The following PTPN23 variants were observed in gnomAD, a reference collection of about 807,000 sequenced individuals.
PTPN23 encodes the protein tyrosine-protein phosphatase non-receptor type 23.
A neutral mutation model predicts 156.3 loss-of-function variants in PTPN23; 72 were observed. That is an observed-to-expected ratio of 0.46 (90% CI 0.38 to 0.56). PTPN23 has a LOEUF of 0.56. PTPN23 is among the 20% of genes least tolerant of loss of function. The pLI is 0.00. For missense variants in PTPN23, 1,974 were observed against 2,171.5 expected (o/e 0.91, Z 1.81); for synonymous variants, 957 against 899.6 (o/e 1.06, Z -1.14).
chr3:47,412,577 G>C lies in PTPN23; in HGVS notation c.4381G>C (p.Gly1461Arg). The C allele has an allele frequency of 1.2e-6, 2 of 1,613,688 alleles. No homozygotes were observed. Among genetic ancestry groups the C allele is most frequent in the Non-Finnish European group, 1.7e-6 (2 of 1,179,984 alleles). Residue 1461 changes from glycine (G) to arginine (R), a missense_variant, in exon 24 of 25, where the codon GGT becomes CGT. By Grantham distance (125) the Gly-to-Arg change is moderately radical. Around this residue, in one of 4 missense-constraint regions of PTPN23, gnomAD observed 484 missense variants for 516.0 expected, o/e 0.94. Transcript: ENST00000265562. ...RHVEQVLQRH[G>R]VPPPCKPLAS... is the part of the protein sequence containing the mutation. ...CGTGGAGCAGGTCCTGCAGCGCCAT[G>C]GTGTGCCTCCTCCATGCAAACCCTT... is the stretch of plus-strand genomic sequence containing the variant.
rs1704692875 is a variant in PTPN23 at position 47,388,158 on chromosome 3, A to G, written c.84+6978A>G. On this transcript the variant is annotated intron_variant, in intron 1 of 24. Transcript: ENST00000265562. ...TTCTTACCTGAAACATGGAACTAAT[A>G]ATATACCTCATAAGCTTCTGAGAAT... Among the ~76,000 whole-genome samples the G allele has an allele frequency of 2.6e-5, 4 of 152,320 alleles. No individual in the cohort carries two copies. The South Asian group carries it at 8.3e-4, about 32-fold the overall frequency.
chr3:47,385,543 G>A (rs999338315), intron 1 of PTPN23, among the ~76,000 whole-genome samples: 4 of 152,102 alleles, frequency 2.6e-5, no homozygotes, highest in South Asian at 2.1e-4. Context: ...TGGGCATGGT[G>A]GTGCGTGCCT....
At position 47,412,607 on chromosome 3, in the gene PTPN23, A is replaced by T. The variant is rs779654845; in HGVS notation, c.4411A>T (p.Ser1471Cys). 1.2e-6 allele frequency: 2 copies of T among 1,613,498 alleles called. No homozygotes were observed. The highest frequency in any genetic ancestry group is 3.3e-5 in the Admixed American group (2 of 60,016). The stretch of plus-strand genomic sequence containing the variant: ...GCCTCCTCCATGCAAACCCTTGGCC[A>T]GTGCAAGCATCAGCCAGAAGGTGAG... ...GVPPPCKPLA[S>C]ASISQKNHLP... is the part of the protein sequence containing the mutation. Residue 1471 changes from serine to cysteine, a missense_variant, in exon 24 of 25, where the codon AGT becomes TGT. By Grantham distance (112) the Ser-to-Cys change is moderately radical. Coordinates refer to ENST00000265562, the MANE Select transcript of PTPN23 (RefSeq NM_015466.4).
Position 47,407,840 on chromosome 3 carries a change from G to A in PTPN23, c.1118+29G>A, listed in dbSNP as rs765668854. 2 of 1,614,046 alleles carry A rather than the reference G, an allele frequency of 1.2e-6. No individual in the cohort carries two copies. Reference sequence around the variant, plus strand: ...GGTGGAGGGTGGCACAGAGGGAGGTGGGGTGTCTTGAGATGTGGGTCTTCA... The same window carrying A: ...GGTGGAGGGTGGCACAGAGGGAGGTAGGGTGTCTTGAGATGTGGGTCTTCA... On this transcript the variant is annotated intron_variant, in intron 13 of 24. Coordinates refer to ENST00000265562, the MANE Select transcript of PTPN23 (RefSeq NM_015466.4). The surrounding 1 kb of genome is among the most constrained non-coding windows in gnomAD (Gnocchi z 4.0).
intron 1 of PTPN23, among the ~76,000 whole-genome samples, chr3:47,387,435 G>A (rs900884783): frequency 4.7e-5 from 7 of 149,916 alleles, no homozygotes; most frequent in South Asian, 2.1e-4. Flanking sequence ...AAGGTCAGGC[G>A]TGGTGTGGTG....
Position 47,405,099 on chromosome 3 carries a change from T to C in PTPN23, c.364+18T>C, listed in dbSNP as rs1394697196. On this transcript the variant is annotated intron_variant, in intron 4 of 24. Coordinates refer to ENST00000265562, the MANE Select transcript of PTPN23 (RefSeq NM_015466.4). This position sits in a 1 kb window ranked among gnomAD's most constrained non-coding sequence, Gnocchi z 4.7. Reference sequence around the variant, plus strand: ...CAACCTTGGTGAGCTGCCTGATCCCTTCCCCCGGCCCTACTCCCCAGTCCT... The same window carrying C: ...CAACCTTGGTGAGCTGCCTGATCCCCTCCCCCGGCCCTACTCCCCAGTCCT... The C allele has an allele frequency of 1.2e-6, 2 of 1,612,446 alleles. No individual in the cohort carries two copies. Among genetic ancestry groups the C allele is most frequent in the Admixed American group, 3.3e-5 (2 of 59,996 alleles).
rs1705234573 is a variant in PTPN23, at chr3:47,410,155, ATCTC to A, written c.2360_2363del (p.Leu787GlnfsTer15). On this transcript the variant is annotated frameshift_variant, in exon 20 of 25. Coordinates refer to ENST00000265562, the MANE Select transcript of PTPN23 (RefSeq NM_015466.4). LOFTEE classifies it high-confidence loss of function. ...AGCTCCACAGGCCCAGGACCCCACT[ATCTC>A]TCAGGCCCCTTGCCCCCTGGTACCT... The A allele has an allele frequency of 3.1e-6, 5 of 1,590,602 alleles. No homozygotes were observed. The highest frequency in any genetic ancestry group is 4.3e-6 in the Non-Finnish European group (5 of 1,167,254).
At position 47,406,817 on chromosome 3, in the gene PTPN23, G is replaced by A; in HGVS notation, c.807+67G>A. ...TTCAGTGAGATGCCGGTGTGCTCCC[G>A]CTCCTTACACACCAGGGGGTGGCCT... On this transcript the variant is annotated intron_variant, in intron 9 of 24. Transcript: ENST00000265562. The surrounding 1 kb of genome is among the most constrained non-coding windows in gnomAD (Gnocchi z 5.8). 2 of 1,583,584 alleles carry A rather than the reference G, an allele frequency of 1.3e-6. No individual in the cohort carries two copies. Among genetic ancestry groups the A allele is most frequent in the South Asian group, 1.1e-5 (1 of 88,540 alleles).
At chr3:47,403,065 T>C (rs1705031463) in intron 2 of PTPN23, among the ~76,000 whole-genome samples, 1 of 151,936 alleles carries the variant, frequency 6.6e-6, no homozygotes, top group Non-Finnish European at 1.5e-5. Flanking sequence ...CTTTTTTTTT[T>C]TTTTTGAGAC....
At chr3:47,382,121 A>C (rs965284086) in intron 1 of PTPN23, among the ~76,000 whole-genome samples, 4 of 152,208 alleles carry the variant, frequency 2.6e-5, no homozygotes, top group Non-Finnish European at 5.9e-5. Context: ...TAGGAAAAAG[A>C]AAATGGGTTT....
Position 47,413,096 on chromosome 3 carries a change from G to T in PTPN23, c.4822G>T (p.Ala1608Ser), listed in dbSNP as rs150307818. Residue 1608 changes from alanine to serine, a missense_variant, in exon 25 of 25, where the codon GCC becomes TCC. Physicochemically the swap from Ala to Ser is moderately conservative, Grantham distance 99. Coordinates refer to ENST00000265562, the MANE Select transcript of PTPN23 (RefSeq NM_015466.4). ...GATGAGCAAGCATAACTTTCTGCAGGCCCATAACGGGCAAGGGCTGCGGGC... is the reference window on the plus strand; with the variant it reads ...GATGAGCAAGCATAACTTTCTGCAGTCCCATAACGGGCAAGGGCTGCGGGC... ...QRMSKHNFLQ[A>S]HNGQGLRATR... is the part of the protein sequence containing the mutation. 1 of 1,612,902 alleles carries T rather than the reference G, an allele frequency of 6.2e-7. No individual in the cohort carries two copies. The highest frequency in any genetic ancestry group is 8.5e-7 in the Non-Finnish European group (1 of 1,180,024).
rs567532478 is a variant in PTPN23, at chr3:47,400,408, G to A, written c.159+4191G>A. ...AGCTCTCTCTCAGACTCCTCTGTGC[G>A]GCTCTGCGCAGCTCGTCTGAGAGTC... On this transcript the variant is annotated intron_variant, in intron 2 of 24. Coordinates refer to ENST00000265562, the MANE Select transcript of PTPN23 (RefSeq NM_015466.4). Among the ~76,000 whole-genome samples the A allele has an allele frequency of 2.0e-4, 30 of 152,334 alleles. No homozygotes were observed. The East Asian group carries it at 4.8e-3, about 24-fold the overall frequency.
rs1202320246 is a variant in PTPN23 at position 47,408,015 on chromosome 3, G to A, written c.1184+60G>A. On this transcript the variant is annotated intron_variant, in intron 14 of 24. Coordinates refer to ENST00000265562, the MANE Select transcript of PTPN23 (RefSeq NM_015466.4). ...GGCAGCACTTCCCGGGCCTCTGGGG[G>A]CCCCAGGGCTGCCTATGCTGGGAGA... 2.6e-6 allele frequency: 4 copies of A among 1,566,622 alleles called. No individual in the cohort carries two copies. In the Admixed American group the frequency reaches 5.4e-5, roughly 21 times the overall value.
rs1381099145 is a variant in PTPN23 at position 47,406,795 on chromosome 3, A to G, written c.807+45A>G. ...GGACTGGGGACCAATGGCAGCCTTC[A>G]GTGAGATGCCGGTGTGCTCCCGCTC... On this transcript the variant is annotated intron_variant, in intron 9 of 24. Transcript: ENST00000265562. The surrounding 1 kb of genome is among the most constrained non-coding windows in gnomAD (Gnocchi z 5.8). 4 of 1,609,690 alleles carry G rather than the reference A, an allele frequency of 2.5e-6. No homozygotes were observed. Among genetic ancestry groups the G allele is most frequent in the South Asian group, 2.2e-5 (2 of 90,688 alleles).
rs1237566719 is a variant in PTPN23 at position 47,408,398 on chromosome 3, C to G, written c.1238C>G (p.Ala413Gly). The change falls in exon 15 of 25, where the codon GCC becomes GGC. Residue 413 changes from alanine (A) to glycine (G), a missense_variant. Coordinates refer to ENST00000265562, the MANE Select transcript of PTPN23 (RefSeq NM_015466.4). ...LDPETVDNLD[A>G]YSHIPPQLME... is the part of the protein sequence containing the mutation. ...CCCGAGACGGTGGACAACCTTGATG[C>G]CTACAGCCACATCCCACCCCAGCTC... The G allele has an allele frequency of 6.2e-7, 1 of 1,614,144 alleles. No individual in the cohort carries two copies. Among genetic ancestry groups the G allele is most frequent in the South Asian group, 1.1e-5 (1 of 91,080 alleles).
At chr3:47,391,393 C>T (rs1202744182) in intron 1 of PTPN23, among the ~76,000 whole-genome samples, 4 of 152,126 alleles carry the variant, frequency 2.6e-5, no homozygotes, top group Non-Finnish European at 5.9e-5. Flanking sequence ...TGGTGAATAC[C>T]CTAACTCTTT....
At chr3:47,392,823 A>G (rs1363240980) in intron 1 of PTPN23, among the ~76,000 whole-genome samples, 1 of 152,140 alleles carries the variant, frequency 6.6e-6, no homozygotes, top group African/African-American at 2.4e-5. Flanking sequence ...AATTGGAAGA[A>G]TAATTCAGTG....
In PTPN23 at chr3:47,413,171, C is replaced by A. The variant is rs1354816837; in HGVS notation, c.4897C>A (p.Leu1633Ile). 3 of 1,611,140 alleles carry A rather than the reference C, an allele frequency of 1.9e-6. No homozygotes were observed. In the African/African-American group the frequency reaches 4.0e-5, roughly 22 times the overall value. Residue 1633 changes from leucine (L) to isoleucine (I), a missense_variant, in exon 25 of 25, where the codon CTC (leucine) becomes ATC (isoleucine). Coordinates refer to ENST00000265562, the MANE Select transcript of PTPN23 (RefSeq NM_015466.4). The stretch of plus-strand genomic sequence containing the variant: ...CAGCCTTCTGGATCCACTCTGGACA[C>A]TCAACAAGACCTGAACAGGTTTTGC... ...PLSLLDPLWTLNKT is the reference protein window; with the variant it reads ...PLSLLDPLWTINKT
Position 47,411,370 on chromosome 3 carries a change from T to G in PTPN23, c.3572T>G (p.Leu1191Arg), listed in dbSNP as rs1230909549. 1.9e-6 allele frequency: 3 copies of G among 1,612,900 alleles called. No individual in the cohort carries two copies. Among genetic ancestry groups the G allele is most frequent in the Non-Finnish European group, 2.5e-6 (3 of 1,180,028 alleles). ...GGTCAGCTGGGGGATGTGGGAGCTC[T>G]GGACACTGTCTGGCGAGAGCTGCAA... is the stretch of plus-strand genomic sequence containing the variant. ...FRGQLGDVGA[L>R]DTVWRELQDA... The change falls in exon 20 of 25, where the codon CTG becomes CGG. Residue 1191 changes from leucine (L) to arginine (R), a missense_variant. By Grantham distance (102) the Leu-to-Arg change is moderately radical (BLOSUM62 -2). This residue lies in a region of PTPN23 where 731 missense variants were observed against 669.1 expected (regional missense o/e 1.09). Transcript: ENST00000265562. The surrounding 1 kb of genome is among the most constrained non-coding windows in gnomAD (Gnocchi z 6.3).
Sources: allele counts gnomAD v4.1 joint callset (sites outside exome capture counted in the v4.1 genomes callset), GRCh38; gene constraint gnomAD v4.1.1; regional missense constraint gnomAD v4.1.1; non-coding constraint Gnocchi (gnomAD v3.1); transcripts MANE v1.5; gene names NCBI Gene and HGNC (gene_info 2026-07-23, HGNC 2026-07-21).